Variants in ESRRG observed in about 807,000 individuals in gnomAD.
ESRRG encodes estrogen-related receptor gamma.
In ESRRG, 13 loss-of-function variants were observed where a neutral mutation model predicts 44.0. That is an observed-to-expected ratio of 0.30 (90% CI 0.19 to 0.47). The LOEUF is 0.47. Among genes scored for constraint, ESRRG ranks in the 20% least tolerant of loss-of-function variants. The pLI is 1.00. For missense variants in ESRRG, 395 were observed against 580.6 expected (o/e 0.68, Z 3.29); for synonymous variants, 215 against 214.6 (o/e 1.00, Z -0.02).
intron 3 of ESRRG, among the ~76,000 whole-genome samples, chr1:216,628,659 T>C (rs928124833): frequency 1.3e-5 from 2 of 152,224 alleles, no homozygotes; most frequent in African/African-American, 4.8e-5. Context: ...CCTACCCTGA[T>C]GCCAACACCA....
rs1426364517 is a variant in ESRRG, at chr1:216,824,812, C to T, written c.-14+114770G>A. 3.3e-5 allele frequency among the ~76,000 whole-genome samples: 5 copies of T among 152,190 alleles called. 1 individual carries two copies. The highest frequency in any genetic ancestry group is 1.9e-4 in the East Asian group (1 of 5,196). ...TAGTGTCTTATTATGGCAAATTTGT[C>T]GCAGATTTTTATCTGAGAAATGAAG... On this transcript the variant is annotated intron_variant, in intron 2 of 7. Transcript: ENST00000359162.
chr1:217,016,483 A>G (rs552650201), intron 1 of ESRRG, among the ~76,000 whole-genome samples: 2 of 152,104 alleles, frequency 1.3e-5, no homozygotes, highest in Non-Finnish European at 2.9e-5. Flanking sequence ...AATCTAAGTT[A>G]TTATTATTGT....
chr1:216,818,007 T>C (rs1056788470), intron 2 of ESRRG, among the ~76,000 whole-genome samples: 1 of 152,054 alleles, frequency 6.6e-6, no homozygotes, highest in Non-Finnish European at 1.5e-5. Context: ...CTCTCTATTT[T>C]TGTAAAAAGA....
rs146811623 is a variant in ESRRG at position 216,701,302 on chromosome 1, A to G, written c.56+21942T>C. ...TATCTTGCTTCCCAAAATAAAGTGC[A>G]TTATTTTTAAAACCTGCACCCAATA... is the stretch of plus-strand genomic sequence containing the variant. On this transcript the variant is annotated intron_variant, in intron 1 of 6. Coordinates refer to ENST00000408911, the MANE Select transcript of ESRRG (RefSeq NM_001438.4). 3 of 152,304 alleles carry G rather than the reference A, an allele frequency of 2.0e-5. No homozygotes were observed. The East Asian group carries it at 5.8e-4, about 29-fold the overall frequency. The allele number at this position is 152,304 out of a possible 1,614,324, so 9.4% of individuals were successfully genotyped here. A position where few individuals can be genotyped will look rare whatever the true frequency, so the allele number is the denominator to read the frequency against.
chr1:216,967,573 TTCTTTTTAGCAGTGAATAATACTCCGTTG>T (rs2070717122), intron 1 of ESRRG, among the ~76,000 whole-genome samples: 1 of 152,200 alleles, frequency 6.6e-6, no homozygotes, highest in South Asian at 2.1e-4. Flanking sequence ...GATAGCTCAT[TTCTTTTTAGCAGTGAATAATACTCCGTTG>T]TCTGGATGTA....
At position 216,821,161 on chromosome 1, in the gene ESRRG, C is replaced by T. The variant is rs541841587; in HGVS notation, c.-14+118421G>A. ...TGGAAAGAGAAGCCATTGGTAACTA[C>T]GGTTGTCACCGCTCTTACCTTACTT... On this transcript the variant is annotated intron_variant, in intron 2 of 7. Transcript: ENST00000359162. Among the ~76,000 whole-genome samples, 9 of 152,278 alleles carry T rather than the reference C, an allele frequency of 5.9e-5. No homozygotes were observed. In the South Asian group the frequency reaches 1.9e-3, roughly 32 times the overall value.
chr1:216,935,428 A>G lies in ESRRG; in HGVS notation c.-14+4154T>C, dbSNP rs112318800. ...AAACACTTGCTTGTACTGGTTTATTATATTTATAAGGGATATTATAAAGAA... is the reference window on the plus strand; with the variant it reads ...AAACACTTGCTTGTACTGGTTTATTGTATTTATAAGGGATATTATAAAGAA... On this transcript the variant is annotated intron_variant, in intron 2 of 7. Coordinates refer to the ESRRG transcript ENST00000359162. 2.2e-3 allele frequency among the ~76,000 whole-genome samples: 333 copies of G among 152,238 alleles called. 2 individuals carry two copies. Among genetic ancestry groups the G allele is most frequent in the African/African-American group, 7.4e-3 (307 of 41,538 alleles).
At chr1:216,698,690 G>C (rs984578325) in intron 1 of ESRRG, among the ~76,000 whole-genome samples, 3 of 151,954 alleles carry the variant, frequency 2.0e-5, no homozygotes, top group Admixed American at 1.3e-4. Flanking sequence ...ACAATATGAT[G>C]GTTTCGATAG....
chr1:216,843,990 T>A (rs1296314822), intron 2 of ESRRG, among the ~76,000 whole-genome samples: 1 of 152,104 alleles, frequency 6.6e-6, no homozygotes, highest in Non-Finnish European at 1.5e-5. Context: ...CCTCATGCAC[T>A]GTTTGGGTGC....
intron 3 of ESRRG, among the ~76,000 whole-genome samples, chr1:216,575,103 C>T (rs2061457653): frequency 6.6e-6 from 1 of 152,056 alleles, no homozygotes; most frequent in South Asian, 2.1e-4. Flanking sequence ...TGGGGTTCTC[C>T]TTCGGGACAA....
chr1:216,773,604 A>G (rs930508738), intron 2 of ESRRG, among the ~76,000 whole-genome samples: 1 of 152,154 alleles, frequency 6.6e-6, no homozygotes, highest in African/African-American at 2.4e-5. Flanking sequence ...AATATCCAAA[A>G]GATAGAAAAA....
upstream of ESRRG, among the ~76,000 whole-genome samples, chr1:216,727,218 A>G (rs2087718062): frequency 6.6e-6 from 1 of 152,214 alleles, no homozygotes; most frequent in Non-Finnish European, 1.5e-5. Context: ...ATTGCCTAGT[A>G]ATCTTTCCTC....
At chr1:216,683,700 AT>A (rs1274581589) in intron 1 of ESRRG, among the ~76,000 whole-genome samples, 1 of 152,222 alleles carries the variant, frequency 6.6e-6, no homozygotes, top group African/African-American at 2.4e-5. Flanking sequence ...TTTCTGGCTG[AT>A]CATCGAAATA....
At chr1:216,932,866 C>T (rs987916446) in intron 2 of ESRRG, among the ~76,000 whole-genome samples, 4 of 151,384 alleles carry the variant, frequency 2.6e-5, no homozygotes, top group Admixed American at 2.6e-4. Flanking sequence ...CCATGTCCAG[C>T]CAATTTATAT....
intron 1 of ESRRG, among the ~76,000 whole-genome samples, chr1:217,008,031 C>G (rs1285772430): frequency 2.6e-5 from 4 of 152,218 alleles, no homozygotes; most frequent in Non-Finnish European, 5.9e-5. Flanking sequence ...TACATTTCAT[C>G]TGCTATGCTC....
upstream of ESRRG, among the ~76,000 whole-genome samples, chr1:217,092,374 G>T (rs1287631338): frequency 6.6e-6 from 1 of 152,164 alleles, no homozygotes; most frequent in Non-Finnish European, 1.5e-5. Context: ...CTTAGACCTT[G>T]TAAATCTAAT....
intron 2 of ESRRG, among the ~76,000 whole-genome samples, chr1:216,891,432 A>G (rs1340062258): frequency 1.3e-5 from 2 of 152,264 alleles, no homozygotes; most frequent in African/African-American, 4.8e-5. Flanking sequence ...ATGCATGGGG[A>G]CGTGCATATG....
At chr1:216,755,368 T>C (rs2092380543) in intron 2 of ESRRG, among the ~76,000 whole-genome samples, 1 of 151,988 alleles carries the variant, frequency 6.6e-6, no homozygotes, top group Admixed American at 6.6e-5. Context: ...CTCTAGATCT[T>C]AGAGCCCCCC....
At chr1:216,660,149 A>G (rs2071892014) in intron 2 of ESRRG, among the ~76,000 whole-genome samples, 1 of 152,192 alleles carries the variant, frequency 6.6e-6, no homozygotes, top group Admixed American at 6.5e-5. Flanking sequence ...TATATAGAAG[A>G]CCATAAAAGG....
Sources: gnomAD v4.1 joint callset for allele counts (sites outside exome capture counted in the v4.1 genomes callset) on GRCh38, gnomAD v4.1.1 for gene constraint, MANE v1.5 for transcripts, NCBI Gene and HGNC (gene_info 2026-07-23, HGNC 2026-07-21) for gene names.